Variants in LSAMP observed in about 807,000 individuals in gnomAD.
LSAMP encodes the protein limbic system associated membrane protein.
LSAMP carries 7 observed loss-of-function variants against 38.6 expected under a neutral mutation model. The observed-to-expected ratio is 0.18, with a 90% CI of 0.10 to 0.34. LSAMP has a LOEUF of 0.34. Among genes scored for constraint, LSAMP ranks in the 10% least tolerant of loss-of-function variants. The pLI, the probability that LSAMP is intolerant of heterozygous loss-of-function variation, is 1.00. For missense variants in LSAMP, 313 were observed against 420.0 expected, an observed-to-expected ratio of 0.75 and a Z score of 2.23; for synonymous variants, 154 against 166.8, an observed-to-expected ratio of 0.92 and a Z score of 0.59.
At chr3:116,024,817 T>C (rs1940741952) in intron 2 of LSAMP, among the ~76,000 whole-genome samples, 1 of 150,858 alleles carries the variant, frequency 6.6e-6, no homozygotes, top group Non-Finnish European at 1.5e-5. Flanking sequence ...ATTATCATTA[T>C]TACTACCACT....
rs116054610 is a variant in LSAMP, at chr3:116,285,886, G to A, written c.155+158991C>T. Among the ~76,000 whole-genome samples the A allele has an allele frequency of 3.9e-3, 596 of 152,276 alleles. 2 individuals carry two copies. Among genetic ancestry groups the A allele is most frequent in the Admixed American group, 0.02 (304 of 15,296 alleles). ...GTGTCTTAGGAATTTGGGAGACAGC[G>A]AAACTATGTGCCACTCCAGGGTAGT... On this transcript the variant is annotated intron_variant, in intron 1 of 6. Transcript: ENST00000490035.
rs1427690716 is a variant in LSAMP at position 116,349,206 on chromosome 3, C to T, written c.155+95671G>A. Among the ~76,000 whole-genome samples the T allele has an allele frequency of 5.3e-5, 8 of 151,990 alleles. No homozygotes were observed. In the East Asian group the frequency reaches 1.5e-3, roughly 29 times the overall value. On this transcript the variant is annotated intron_variant, in intron 1 of 6. Coordinates refer to ENST00000490035, the MANE Select transcript of LSAMP (RefSeq NM_002338.5). ...TATTATGCTTTAGAAATAAAAGCAC[C>T]AGCACACAAGGATAATACTGAAAGT...
chr3:115,953,077 C>T (rs913333034), intron 3 of LSAMP, among the ~76,000 whole-genome samples: 10 of 152,080 alleles, frequency 6.6e-5, no homozygotes, highest in African/African-American at 2.4e-4. Context: ...TGATTCAGAG[C>T]TTCTTCTCAG....
intron 3 of LSAMP, among the ~76,000 whole-genome samples, chr3:115,954,587 T>C (rs1430708176): frequency 2.0e-5 from 3 of 152,216 alleles, no homozygotes; most frequent in Non-Finnish European, 2.9e-5. Flanking sequence ...GAGCATTCAT[T>C]TGCACTAAAG....
In LSAMP at chr3:116,306,390, T is replaced by C. The variant is rs1559821861; in HGVS notation, c.155+138487A>G. Among the ~76,000 whole-genome samples the C allele has an allele frequency of 3.3e-5, 5 of 152,080 alleles. No homozygotes were observed. In the South Asian group the frequency reaches 1.0e-3, roughly 31 times the overall value. ...GGAGAGAGCAGATCAGAATATTTTATTCATGTCTGTATTCTTGGCAACATG... is the reference window on the plus strand; with the variant it reads ...GGAGAGAGCAGATCAGAATATTTTACTCATGTCTGTATTCTTGGCAACATG... On this transcript the variant is annotated intron_variant, in intron 1 of 6. Transcript: ENST00000490035.
intron 1 of LSAMP, among the ~76,000 whole-genome samples, chr3:116,427,087 C>T (rs1291799843): frequency 6.6e-6 from 1 of 150,768 alleles, no homozygotes; most frequent in Admixed American, 6.6e-5. Flanking sequence ...CATTGCAACC[C>T]TTAAGACTCA....
At chr3:115,876,602 C>T (rs1431554600) in intron 3 of LSAMP, among the ~76,000 whole-genome samples, 1 of 152,076 alleles carries the variant, frequency 6.6e-6, no homozygotes, top group Admixed American at 6.6e-5. Flanking sequence ...CCATCACAAC[C>T]ATGTGCAGTG....
chr3:116,138,589 A>G (rs1216659891), intron 1 of LSAMP, among the ~76,000 whole-genome samples: 1 of 152,030 alleles, frequency 6.6e-6, no homozygotes, highest in Non-Finnish European at 1.5e-5. Context: ...CTTGGATTCT[A>G]GGAGCAGCAT....
intron 3 of LSAMP, among the ~76,000 whole-genome samples, chr3:115,869,572 T>C (rs1056850973): frequency 6.6e-6 from 1 of 152,142 alleles, no homozygotes; most frequent in African/African-American, 2.4e-5. Context: ...TTACCATTAA[T>C]ATTCATTACT....
chr3:115,898,333 C>T (rs1263487360), intron 3 of LSAMP, among the ~76,000 whole-genome samples: 1 of 152,022 alleles, frequency 6.6e-6, no homozygotes, highest in Non-Finnish European at 1.5e-5. Flanking sequence ...AATGTGTTCT[C>T]CAAATTTATT....
At chr3:116,262,871 C>A (rs955874058) in intron 1 of LSAMP, among the ~76,000 whole-genome samples, 2 of 152,190 alleles carry the variant, frequency 1.3e-5, no homozygotes, top group African/African-American at 2.4e-5. Flanking sequence ...ACTTGGAAAG[C>A]TCTTCTTGGT....
chr3:115,845,916 C>G (rs1045359968), intron 4 of LSAMP, among the ~76,000 whole-genome samples: 2 of 152,200 alleles, frequency 1.3e-5, no homozygotes, highest in Non-Finnish European at 2.9e-5. Context: ...ACTTGCTTCT[C>G]TCTTTGAAAA....
intron 1 of LSAMP, among the ~76,000 whole-genome samples, chr3:116,306,393 A>C (rs763919832): frequency 1.1e-4 from 17 of 152,060 alleles, no homozygotes; most frequent in Non-Finnish European, 2.1e-4. Context: ...TATTTTATTC[A>C]TGTCTGTATT....
At chr3:116,358,363 A>G (rs757147599) in intron 1 of LSAMP, among the ~76,000 whole-genome samples, 1 of 152,170 alleles carries the variant, frequency 6.6e-6, no homozygotes, top group South Asian at 2.1e-4. Context: ...AGTATATAGT[A>G]ATATAGTTTG....
At chr3:115,820,724 G>A (rs1400112744) in intron 6 of LSAMP, among the ~76,000 whole-genome samples, 2 of 152,134 alleles carry the variant, frequency 1.3e-5, no homozygotes, top group African/African-American at 2.4e-5. Flanking sequence ...ATATGCTGAA[G>A]AAATACCTGA....
chr3:115,994,786 C>G (rs1253712312), intron 3 of LSAMP, among the ~76,000 whole-genome samples: 1 of 152,054 alleles, frequency 6.6e-6, no homozygotes, highest in African/African-American at 2.4e-5. Context: ...TCTGTGGACT[C>G]AAAAGAAACT....
At chr3:115,871,951 G>C (rs1936051748) in intron 3 of LSAMP, among the ~76,000 whole-genome samples, 1 of 152,130 alleles carries the variant, frequency 6.6e-6, no homozygotes, top group South Asian at 2.1e-4. Context: ...GTTGCAAACA[G>C]CTTAGAACAA....
At chr3:116,246,539 A>G (rs2046607815) in intron 1 of LSAMP, among the ~76,000 whole-genome samples, 3 of 152,196 alleles carry the variant, frequency 2.0e-5, no homozygotes, top group Admixed American at 2.0e-4. Flanking sequence ...CAGTATTCAC[A>G]GCCCTAGTCC....
intron 3 of LSAMP, among the ~76,000 whole-genome samples, chr3:115,970,700 C>A (rs777153017): frequency 2.6e-5 from 4 of 152,126 alleles, no homozygotes; most frequent in Non-Finnish European, 5.9e-5. Flanking sequence ...GTACAAATAT[C>A]TGTGGGGTGT....
Sources: allele counts gnomAD v4.1 joint callset (sites outside exome capture counted in the v4.1 genomes callset), GRCh38; gene constraint gnomAD v4.1.1; transcripts MANE v1.5; gene names NCBI Gene and HGNC (gene_info 2026-07-23, HGNC 2026-07-21).